Variants in ZNF217 observed in about 807,000 individuals in gnomAD.
ZNF217 encodes the protein zinc finger protein 217.
Under a neutral mutation model 73.3 loss-of-function variants are expected in ZNF217, and 12 were observed. The ratio of observed to expected loss-of-function variants is 0.16; its 90% CI spans 0.10 to 0.27. The LOEUF (loss-of-function observed/expected upper bound fraction) is 0.27. ZNF217 is among the 10% of genes least tolerant of loss of function. ZNF217 has a pLI of 1.00. For missense variants in ZNF217, 1,195 were observed against 1,327.8 expected (o/e 0.90, Z 1.55); for synonymous variants, 588 against 516.4 (o/e 1.14, Z -1.88).
At chr20:53,589,556 T>C (rs1003625032) in intron 1 of ZNF217, among the ~76,000 whole-genome samples, 4 of 152,222 alleles carry the variant, frequency 2.6e-5, no homozygotes, top group African/African-American at 9.6e-5. Context: ...TGTACAAGAA[T>C]TGAGCATGTC....
chr20:53,595,148 C>CA (rs1264171284), upstream of ZNF217, among the ~76,000 whole-genome samples: 6 of 148,064 alleles, frequency 4.1e-5, no homozygotes, highest in East Asian at 1.0e-3. Context: ...AAAAAAAGGA[C>CA]AAAAAAAAGA....
chr20:53,584,583 T>A (rs1249701728), intron 1 of ZNF217, among the ~76,000 whole-genome samples: 3 of 152,250 alleles, frequency 2.0e-5, no homozygotes, highest in African/African-American at 7.2e-5. Context: ...TGGTGTGATA[T>A]AATAGAACAC....
At chr20:53,597,213 C>T (rs190321705), upstream of ZNF217, among the ~76,000 whole-genome samples, 13 of 151,942 alleles carry the variant, frequency 8.6e-5, no homozygotes, top group Middle Eastern at 3.4e-3. Flanking sequence ...TTTCACAAGA[C>T]GTTATTTTAC....
At chr20:53,579,731 T>C (rs888193877) in intron 2 of ZNF217, among the ~76,000 whole-genome samples, 4 of 152,266 alleles carry the variant, frequency 2.6e-5, no homozygotes, top group South Asian at 2.1e-4. Flanking sequence ...TTTAAAGGAC[T>C]GTGATCTTTT....
upstream of ZNF217, among the ~76,000 whole-genome samples, chr20:53,597,406 CAA>C (rs1311046172): frequency 6.6e-6 from 1 of 152,092 alleles, no homozygotes; most frequent in Admixed American, 6.6e-5. Context: ...CCAGCATCTG[CAA>C]ACTACAAAGG....
chr20:53,575,744 G>C lies in ZNF217; in HGVS notation c.3020C>G (p.Ser1007Cys), dbSNP rs780214486. 3.1e-6 allele frequency: 5 copies of C among 1,587,596 alleles called. No individual in the cohort carries two copies. The highest frequency in any genetic ancestry group is 4.3e-6 in the Non-Finnish European group (5 of 1,167,344). The change falls in exon 4 of 6, where the codon TCC (serine) becomes TGC (cysteine). Residue 1007 changes from serine (S) to cysteine (C), a missense_variant. Ser to Cys is a moderately radical substitution (Grantham distance 112, BLOSUM62 -1). Transcript: ENST00000371471. ...TGCAATACCTTCTAACGTCGAGCTG[G>C]ATGCTGGACTACCAGCAGGCACACA... The part of the protein sequence containing the change: ...YTCVPAGSPA[S>C]SSTLEGKRPV...
Position 53,581,951 on chromosome 20 carries a change from C to T in ZNF217, c.876G>A (p.Pro292=), listed in dbSNP as rs770189300. 13 of 1,614,188 alleles carry T rather than the reference C, an allele frequency of 8.1e-6. No individual in the cohort carries two copies. In the Middle Eastern group the frequency reaches 8.2e-4, roughly 102 times the overall value. The change falls in exon 2 of 6, where the codon CCG becomes CCA. Residue 292 remains proline, a synonymous_variant. Transcript: ENST00000371471. This position sits in a 1 kb window ranked among gnomAD's most constrained non-coding sequence, Gnocchi z 4.9. Reference sequence around the variant, plus strand: ...GCTGCCAAGCCTGGAAGGTGGTGAACGGATCGAGCTGAGGGATGCATCTGA... The same window carrying T: ...GCTGCCAAGCCTGGAAGGTGGTGAATGGATCGAGCTGAGGGATGCATCTGA... ...KPVRCIPQLD[P]FTTFQAWQLA...
intron 1 of ZNF217, among the ~76,000 whole-genome samples, chr20:53,589,983 A>G (rs901767916): frequency 2.8e-5 from 4 of 144,938 alleles, no homozygotes; most frequent in African/African-American, 1.0e-4. Flanking sequence ...TACATGCTGT[A>G]ACCAAACCCT....
At chr20:53,592,719 C>A (rs868453190) in intron 1 of ZNF217, among the ~76,000 whole-genome samples, 67 of 152,004 alleles carry the variant, frequency 4.4e-4, no homozygotes, top group African/African-American at 1.5e-3. Flanking sequence ...CCAGCAGCGC[C>A]CTCCGCCTCT....
chr20:53,597,469 CAAGT>C (rs1390157720), upstream of ZNF217, among the ~76,000 whole-genome samples: 1 of 152,112 alleles, frequency 6.6e-6, no homozygotes. Context: ...TAAATGCACT[CAAGT>C]AAGTAGGAAT....
At chr20:53,585,576 T>TC (rs1988667138) in intron 1 of ZNF217, among the ~76,000 whole-genome samples, 1 of 152,160 alleles carries the variant, frequency 6.6e-6, no homozygotes, top group Admixed American at 6.5e-5. Flanking sequence ...GATGGAGTGT[T>TC]ATTTCCCACT....
intron 5 of ZNF217, among the ~76,000 whole-genome samples, chr20:53,570,954 A>C (rs993080179): frequency 6.6e-6 from 1 of 152,194 alleles, no homozygotes; most frequent in African/African-American, 2.4e-5. Context: ...GCTGGGTCAC[A>C]AACTTTTTCT....
intron 2 of ZNF217, among the ~76,000 whole-genome samples, chr20:53,579,075 G>C (rs1296126795): frequency 1.3e-5 from 2 of 152,162 alleles, no homozygotes; most frequent in African/African-American, 4.8e-5. Flanking sequence ...ACACTCATGT[G>C]GGCGAAAGAG....
At chr20:53,586,763 G>A (rs1182996661) in intron 1 of ZNF217, among the ~76,000 whole-genome samples, 3 of 152,166 alleles carry the variant, frequency 2.0e-5, no homozygotes, top group Admixed American at 6.5e-5. Flanking sequence ...GCAAATCACC[G>A]TTCCAATTGA....
rs1165650531 is a variant in ZNF217, at chr20:53,576,443, G to A, written c.2321C>T (p.Pro774Leu). The A allele has an allele frequency of 1.2e-6, 2 of 1,614,154 alleles. No individual in the cohort carries two copies. Among genetic ancestry groups the A allele is most frequent in the Non-Finnish European group, 1.7e-6 (2 of 1,179,988 alleles). Residue 774 changes from proline (P) to leucine (L), a missense_variant, in exon 4 of 6, where the codon CCC becomes CTC. Coordinates refer to ENST00000371471, the MANE Select transcript of ZNF217 (RefSeq NM_006526.3). The part of the protein sequence containing the change: ...DVPPLSSFCK[P>L]KPKSAFPAQS... Reference sequence around the variant, plus strand: ...CGCCGGGAAAGCAGACTTGGGCTTGGGTTTACAGAAACTAGAGAGGGGAGG... The same window carrying A: ...CGCCGGGAAAGCAGACTTGGGCTTGAGTTTACAGAAACTAGAGAGGGGAGG...
chr20:53,584,953 T>C (rs1226469774), intron 1 of ZNF217, among the ~76,000 whole-genome samples: 1 of 152,042 alleles, frequency 6.6e-6, no homozygotes, highest in African/African-American at 2.4e-5. Flanking sequence ...AAAGACTCAT[T>C]TATTTGAGGT....
At chr20:53,592,925 C>G (rs1361581183) in intron 1 of ZNF217, among the ~76,000 whole-genome samples, 1 of 151,568 alleles carries the variant, frequency 6.6e-6, no homozygotes, top group African/African-American at 2.4e-5. Context: ...GTTCCCAGTT[C>G]TGCTTCCAGC....
upstream of ZNF217, among the ~76,000 whole-genome samples, chr20:53,595,439 A>G (rs553457629): frequency 1.3e-5 from 2 of 152,366 alleles, no homozygotes; most frequent in African/African-American, 4.8e-5. Context: ...AACGATCCGG[A>G]GCTGGTGAGC....
upstream of ZNF217, among the ~76,000 whole-genome samples, chr20:53,594,559 C>T (rs1840213353): frequency 1.3e-5 from 2 of 151,814 alleles, no homozygotes; most frequent in Non-Finnish European, 2.9e-5. Flanking sequence ...CGCCCCCCGC[C>T]CCGCACCCCT....
Sources: gnomAD v4.1 joint callset for allele counts (sites outside exome capture counted in the v4.1 genomes callset) on GRCh38, gnomAD v4.1.1 for gene constraint, Gnocchi (gnomAD v3.1) non-coding constraint, MANE v1.5 for transcripts, NCBI Gene and HGNC (gene_info 2026-07-23, HGNC 2026-07-21) for gene names.